Variants in ARHGEF7 observed in about 807,000 individuals in gnomAD.
ARHGEF7 encodes the protein Rho guanine nucleotide exchange factor 7.
Under a neutral mutation model 109.8 loss-of-function variants are expected in ARHGEF7, and 33 were observed. That is an observed-to-expected ratio of 0.30 (90% CI 0.23 to 0.40). The LOEUF is 0.40. ARHGEF7 is among the 10% of genes least tolerant of loss of function. The probability of loss-of-function intolerance (pLI) is 1.00; values close to 1 mark genes in which losing one functional copy is unlikely to be tolerated. For synonymous variants in ARHGEF7, 458 were observed against 424.6 expected (o/e 1.08, Z -0.97); for missense variants, 938 against 1,098.5 (o/e 0.85, Z 2.07).
intron 5 of ARHGEF7, among the ~76,000 whole-genome samples, chr13:111,223,529 T>C (rs567570107): frequency 1.3e-3 from 200 of 152,356 alleles, no homozygotes; most frequent in Non-Finnish European, 2.6e-3. Context: ...GATGGTCCAA[T>C]TCACCTCTCC....
chr13:111,157,990 C>T (rs1295778583), intron 2 of ARHGEF7, among the ~76,000 whole-genome samples: 1 of 152,154 alleles, frequency 6.6e-6, no homozygotes, highest in African/African-American at 2.4e-5. Context: ...AACATGTTTA[C>T]CAGTTTTTTA....
chr13:111,157,650 CAAGT>C (rs1375338871), intron 2 of ARHGEF7, among the ~76,000 whole-genome samples: 1 of 152,134 alleles, frequency 6.6e-6, no homozygotes, highest in Non-Finnish European at 1.5e-5. Flanking sequence ...GCAAACCAAG[CAAGT>C]GATAGGACAT....
chr13:111,225,158 C>G (rs558301132), intron 5 of ARHGEF7, among the ~76,000 whole-genome samples: 1 of 152,270 alleles, frequency 6.6e-6, no homozygotes, highest in South Asian at 2.1e-4. Flanking sequence ...ACACATCTTC[C>G]GTTTCAGGAG....
intron 2 of ARHGEF7, among the ~76,000 whole-genome samples, chr13:111,155,906 T>C (rs144533592): frequency 1.6e-3 from 236 of 151,574 alleles, no homozygotes; most frequent in African/African-American, 5.6e-3. Flanking sequence ...TGAAACCCTG[T>C]CTATACTTAA....
chr13:111,233,969 A>G (rs1833402458), intron 6 of ARHGEF7, among the ~76,000 whole-genome samples: 1 of 152,236 alleles, frequency 6.6e-6, no homozygotes, highest in African/African-American at 2.4e-5. Context: ...AATGGAAAAT[A>G]ATTTATTTTA....
chr13:111,117,657 TTTC>T (rs1028609129), intron 1 of ARHGEF7, among the ~76,000 whole-genome samples: 7 of 152,008 alleles, frequency 4.6e-5, no homozygotes, highest in Admixed American at 3.9e-4. Flanking sequence ...GTTATCTGGG[TTTC>T]TTTCTTTCTT....
At chr13:111,204,877 T>G (rs772139837) in intron 2 of ARHGEF7, among the ~76,000 whole-genome samples, 24 of 152,224 alleles carry the variant, frequency 1.6e-4, no homozygotes, top group Non-Finnish European at 2.1e-4. Context: ...CATTTTCCCT[T>G]ATTTTCTGTG....
chr13:111,236,602 T>C (rs2086873382), intron 6 of ARHGEF7, among the ~76,000 whole-genome samples: 1 of 152,216 alleles, frequency 6.6e-6, no homozygotes, highest in Admixed American at 6.5e-5. Flanking sequence ...TTTAATTCTG[T>C]CTTTCTAGGA....
rs2093625609 is a variant in ARHGEF7 at position 111,304,775 on chromosome 13, C to T, written c.*1662C>T. On this transcript the variant is annotated 3_prime_UTR_variant, in exon 22 of 22. Transcript: ENST00000646102. ...CCCATGCTGCAGAACCTGGCCTCAC[C>T]TGGACTTTTCACTAGAATTGCCAGC... The T allele has an allele frequency of 6.6e-6, 1 of 152,302 alleles. No homozygotes were observed. The highest frequency in any genetic ancestry group is 6.5e-5 in the Admixed American group (1 of 15,288). 9.4% of individuals were successfully genotyped at this position (152,302 alleles called of 1,614,324 possible).
intron 2 of ARHGEF7, among the ~76,000 whole-genome samples, chr13:111,204,143 G>C (rs1053956811): frequency 3.3e-5 from 5 of 152,110 alleles, no homozygotes; most frequent in Admixed American, 3.3e-4. Context: ...AGATGAATAA[G>C]GATTAGCCAG....
intron 2 of ARHGEF7, among the ~76,000 whole-genome samples, chr13:111,176,678 C>T (rs1247130358): frequency 6.6e-6 from 1 of 152,246 alleles, no homozygotes; most frequent in Non-Finnish European, 1.5e-5. Context: ...CTCTTGTCCC[C>T]CATCTGCTCT....
intron 16 of ARHGEF7, 33 bp from the exon 17 acceptor site, chr13:111,286,114 A>T: frequency 6.5e-7 from 1 of 1,544,844 alleles, no homozygotes; most frequent in Non-Finnish European, 8.9e-7. Flanking sequence ...TTGGCTTTAG[A>T]GTATGTTAGC....
intron 5 of ARHGEF7, among the ~76,000 whole-genome samples, chr13:111,225,880 G>A (rs1356880095): frequency 2.0e-5 from 3 of 152,144 alleles, no homozygotes; most frequent in African/African-American, 7.2e-5. Flanking sequence ...CCTCTTAAGT[G>A]TTCAAATGAA....
Position 111,280,301 on chromosome 13 carries a change from C to T in ARHGEF7, c.1536C>T (p.Ile512=). The T allele has an allele frequency of 6.2e-7, 1 of 1,611,096 alleles. No homozygotes were observed. The highest frequency in any genetic ancestry group is 8.5e-7 in the Non-Finnish European group (1 of 1,178,774). ...QGKLPTTGMT[I]TKLEDSENHR... ...AGCTTCCAACGACAGGAATGACAAT[C>T]ACAAAGCTTGAGGACAGTGAAAATC... Residue 512 remains isoleucine (I), a synonymous_variant, in exon 14 of 22, where the codon ATC becomes ATT. Transcript: ENST00000646102.
At chr13:111,167,700 C>G (rs2077238870) in intron 2 of ARHGEF7, among the ~76,000 whole-genome samples, 1 of 152,222 alleles carries the variant, frequency 6.6e-6, no homozygotes. Flanking sequence ...CCACTCTTCT[C>G]TCTCCCTCCT....
At chr13:111,248,813 A>AT (rs1438793687) in intron 8 of ARHGEF7, among the ~76,000 whole-genome samples, 1 of 152,160 alleles carries the variant, frequency 6.6e-6, no homozygotes, top group Non-Finnish European at 1.5e-5. Context: ...CCATCTGCTG[A>AT]TTCTTTATTG....
intron 1 of ARHGEF7, among the ~76,000 whole-genome samples, chr13:111,150,481 T>G (rs1350823271): frequency 6.6e-6 from 1 of 152,232 alleles, no homozygotes; most frequent in African/African-American, 2.4e-5. Context: ...CTTCTCCACT[T>G]ATTTGCCTTG....
At chr13:111,203,692 A>G (rs1301611923) in intron 2 of ARHGEF7, among the ~76,000 whole-genome samples, 1 of 152,166 alleles carries the variant, frequency 6.6e-6, no homozygotes, top group African/African-American at 2.4e-5. Flanking sequence ...CTCTTGAGGT[A>G]GTTTTTCAAA....
Position 111,304,952 on chromosome 13 carries a change from T to TG in ARHGEF7, c.*1840dup, listed in dbSNP as rs1394847578. 6.6e-6 allele frequency: 1 copy of TG among 152,270 alleles called. No individual in the cohort carries two copies. Among genetic ancestry groups the TG allele is most frequent in the East Asian group, 1.9e-4 (1 of 5,202 alleles). 9.4% of individuals were successfully genotyped at this position (152,270 alleles called of 1,614,324 possible). The stretch of plus-strand genomic sequence containing the variant: ...TCAACTTGAGTTTATTGGAGTTTGC[T>TG]GTTGTAGCAGGTTTTAACTCAGGAA... On this transcript the variant is annotated 3_prime_UTR_variant, in exon 22 of 22. Transcript: ENST00000646102.
Sources: allele counts gnomAD v4.1 joint callset (sites outside exome capture counted in the v4.1 genomes callset), GRCh38; gene constraint gnomAD v4.1.1; transcripts MANE v1.5; gene names NCBI Gene and HGNC (gene_info 2026-07-23, HGNC 2026-07-21).